Variants in SP1 observed in about 807,000 individuals in gnomAD.
SP1 encodes the protein transcription factor Sp1.
SP1 carries 6 observed loss-of-function variants against 66.3 expected under a neutral mutation model. That is an observed-to-expected ratio of 0.09 (90% CI 0.05 to 0.18). The LOEUF (loss-of-function observed/expected upper bound fraction) is 0.18. Among genes scored for constraint, SP1 ranks in the 10% least tolerant of loss-of-function variants. The pLI is 1.00. For missense variants in SP1, 848 were observed against 964.5 expected (o/e 0.88, Z 1.60); for synonymous variants, 417 against 360.8 (o/e 1.16, Z -1.77).
At position 53,406,619 on chromosome 12, in the gene SP1, T is replaced by C; in HGVS notation, c.1710T>C (p.Ala570=). 6.2e-7 allele frequency: 1 copy of C among 1,613,962 alleles called. No homozygotes were observed. The highest frequency in any genetic ancestry group is 8.5e-7 in the Non-Finnish European group (1 of 1,179,970). The change falls in exon 4 of 6, where the codon GCT becomes GCC. Residue 570 remains alanine (A), a synonymous_variant. Transcript: ENST00000327443. ...GAGCTCAGCTTGGTCTCCATGGGGCTGGTGGTGATGGAATACATGATGACA... is the reference window on the plus strand; with the variant it reads ...GAGCTCAGCTTGGTCTCCATGGGGCCGGTGGTGATGGAATACATGATGACA... ...DHGAQLGLHG[A]GGDGIHDDTA...
intron 3 of SP1, among the ~76,000 whole-genome samples, chr12:53,396,000 G>C (rs769239442): frequency 6.6e-6 from 1 of 152,044 alleles, no homozygotes; most frequent in Non-Finnish European, 1.5e-5. Flanking sequence ...CACGCCTGTA[G>C]TCCCAGCTAC....
intron 3 of SP1, among the ~76,000 whole-genome samples, chr12:53,406,006 A>AC (rs1565816891): frequency 6.6e-6 from 1 of 151,252 alleles, no homozygotes; most frequent in Non-Finnish European, 1.5e-5. Flanking sequence ...TAATAAAAAA[A>AC]AACAACTATG....
chr12:53,388,445 T>C (rs1938276675), intron 3 of SP1, among the ~76,000 whole-genome samples: 1 of 152,168 alleles, frequency 6.6e-6, no homozygotes, highest in African/African-American at 2.4e-5. Context: ...TTCTGTAAGG[T>C]AAGAGGAGCT....
At position 53,380,238 on chromosome 12, in the gene SP1, C is replaced by T. The variant is rs1323966698; in HGVS notation, c.-54C>T. 2 of 993,616 alleles carry T rather than the reference C, an allele frequency of 2.0e-6. 1 individual carries two copies. Among genetic ancestry groups the T allele is most frequent in the African/African-American group, 3.2e-5 (2 of 63,038 alleles). 61.5% of individuals were successfully genotyped at this position (993,616 alleles called of 1,614,324 possible). On this transcript the variant is annotated 5_prime_UTR_variant, in exon 1 of 6. Coordinates refer to ENST00000327443, the MANE Select transcript of SP1 (RefSeq NM_138473.3). ...CGTCAGCGTCCGCGTTTTTCCCGGCCCCCCCCAACCCCCCCGGACAGGACC... is the reference window on the plus strand; with the variant it reads ...CGTCAGCGTCCGCGTTTTTCCCGGCTCCCCCCAACCCCCCCGGACAGGACC...
Position 53,380,199 on chromosome 12 carries a change from G to A in SP1, c.-93G>A, listed in dbSNP as rs965653411. On this transcript the variant is annotated 5_prime_UTR_variant, in exon 1 of 6. Coordinates refer to ENST00000327443, the MANE Select transcript of SP1 (RefSeq NM_138473.3). ...TTACCCCCCCCTCCCTGTCCGGTCC[G>A]GGTTCGCTTGCCTCGTCAGCGTCCG... The A allele has an allele frequency of 2.3e-6, 2 of 874,228 alleles. No individual in the cohort carries two copies. The highest frequency in any genetic ancestry group is 3.8e-6 in the Non-Finnish European group (2 of 524,848). 54.2% of individuals were successfully genotyped at this position (874,228 alleles called of 1,614,324 possible).
intron 3 of SP1, among the ~76,000 whole-genome samples, chr12:53,389,574 T>A (rs1938305635): frequency 3.3e-5 from 5 of 151,658 alleles, no homozygotes. Context: ...CTCGATCTCC[T>A]GGCCTCCCAA....
rs896449823 is a variant in SP1, at chr12:53,394,807, G to T, written c.1675+11185G>T. On this transcript the variant is annotated intron_variant, in intron 3 of 5. Transcript: ENST00000327443. ...TTTTTTGTATTTTTAGTGGAGATGG[G>T]TTTTCACCGTGTTAGCCAGGATGAT... is the stretch of plus-strand genomic sequence containing the variant. Among the ~76,000 whole-genome samples, 4 of 151,304 alleles carry T rather than the reference G, an allele frequency of 2.6e-5. No individual in the cohort carries two copies. The East Asian group carries it at 5.8e-4, about 22-fold the overall frequency.
At chr12:53,394,226 A>G (rs1160653098) in intron 3 of SP1, among the ~76,000 whole-genome samples, 3 of 151,786 alleles carry the variant, frequency 2.0e-5, no homozygotes, top group Non-Finnish European at 4.4e-5. Context: ...GAGAAAAAAA[A>G]AGAACGTACT....
chr12:53,399,321 GTTTTTTTGTTTTTTGTTTTTGT>G (rs781052237), intron 3 of SP1, among the ~76,000 whole-genome samples: 1 of 129,662 alleles, frequency 7.7e-6, no homozygotes, highest in Non-Finnish European at 1.6e-5. Flanking sequence ...GCTAATTTTT[GTTTTTTTGTTTTTTGTTTTTGT>G]TTTTTTTTGA....
chr12:53,408,935 C>G (rs1020147660), intron 4 of SP1, among the ~76,000 whole-genome samples: 33 of 143,830 alleles, frequency 2.3e-4, no homozygotes, highest in Non-Finnish European at 1.4e-4. Flanking sequence ...AAAAAAGAAG[C>G]CTTGGTCCAG....
chr12:53,402,908 G>A (rs1189953575), intron 3 of SP1, among the ~76,000 whole-genome samples: 2 of 151,896 alleles, frequency 1.3e-5, no homozygotes. Context: ...GGGAGGCAGA[G>A]GTTGCAGTGA....
At chr12:53,392,787 G>A (rs1300737217) in intron 3 of SP1, among the ~76,000 whole-genome samples, 1 of 151,958 alleles carries the variant, frequency 6.6e-6, no homozygotes, top group African/African-American at 2.4e-5. Flanking sequence ...GAGCCACCAT[G>A]CCTGGCCTAG....
chr12:53,383,430 A>G lies in SP1; in HGVS notation c.1483A>G (p.Thr495Ala). 1 of 1,614,202 alleles carries G rather than the reference A, an allele frequency of 6.2e-7. No individual in the cohort carries two copies. The highest frequency in any genetic ancestry group is 8.5e-7 in the Non-Finnish European group (1 of 1,180,032). The change falls in exon 3 of 6, where the codon ACC becomes GCC. Residue 495 changes from threonine (T) to alanine (A), a missense_variant. This residue lies in a region of SP1 where 606 missense variants were observed against 589.9 expected (regional missense o/e 1.03). Coordinates refer to ENST00000327443, the MANE Select transcript of SP1 (RefSeq NM_138473.3). ...AATGCAGGGTGTTTCCTTGGGGCAGACCAGCAGCAGCAACACCACTCTCAC... is the reference window on the plus strand; with the variant it reads ...AATGCAGGGTGTTTCCTTGGGGCAGGCCAGCAGCAGCAACACCACTCTCAC... ...APMQGVSLGQ[T>A]SSSNTTLTPI... is the part of the protein sequence containing the mutation.
intron 3 of SP1, among the ~76,000 whole-genome samples, chr12:53,404,624 C>G (rs1053262102): frequency 1.3e-5 from 2 of 151,722 alleles, no homozygotes; most frequent in African/African-American, 2.4e-5. Context: ...ATGTGACCAA[C>G]TGAGTCATGA....
intron 3 of SP1, among the ~76,000 whole-genome samples, chr12:53,402,158 T>C (rs1382537705): frequency 1.3e-5 from 2 of 151,822 alleles, no homozygotes; most frequent in Non-Finnish European, 2.9e-5. Context: ...GTTTCAGCTC[T>C]ACCAATATCA....
chr12:53,407,938 C>CT (rs1172953734), intron 4 of SP1, among the ~76,000 whole-genome samples: 130 of 131,516 alleles, frequency 9.9e-4, no homozygotes, highest in Admixed American at 1.8e-3. Context: ...GGCGCCCGGC[C>CT]TTTTTTTTTT....
intron 3 of SP1, among the ~76,000 whole-genome samples, chr12:53,391,031 GTTA>G (rs1214349533): frequency 6.6e-6 from 1 of 152,100 alleles, no homozygotes; most frequent in African/African-American, 2.4e-5. Flanking sequence ...CTGTAGGAAA[GTTA>G]TTATATCATG....
intron 3 of SP1, among the ~76,000 whole-genome samples, chr12:53,385,168 G>A (rs1258355249): frequency 1.1e-4 from 16 of 151,364 alleles, no homozygotes; most frequent in Admixed American, 9.9e-4. Context: ...GGTGATGCGC[G>A]CCTGTAGTCC....
chr12:53,402,968 CAGA>C (rs1565815597), intron 3 of SP1, among the ~76,000 whole-genome samples: 2 of 128,990 alleles, frequency 1.6e-5, no homozygotes, highest in African/African-American at 3.0e-5. Context: ...GATTCCATCT[CAGA>C]AAAAAAAAAA....
Sources: allele counts gnomAD v4.1 joint callset (sites outside exome capture counted in the v4.1 genomes callset), GRCh38; gene constraint gnomAD v4.1.1; regional missense constraint gnomAD v4.1.1; transcripts MANE v1.5; gene names NCBI Gene and HGNC (gene_info 2026-07-23, HGNC 2026-07-21).